The following VWA8 variants were observed in gnomAD, a reference collection of about 807,000 sequenced individuals.
VWA8 encodes von Willebrand factor A domain-containing protein 8.
In VWA8, 221 loss-of-function variants were observed where a neutral mutation model predicts 241.5. The ratio of observed to expected loss-of-function variants is 0.91; its 90% CI spans 0.82 to 1.02. The LOEUF is 1.02. Among genes scored for constraint, VWA8 ranks in the 50% least tolerant of loss-of-function variants. The pLI, the probability that VWA8 is intolerant of heterozygous loss-of-function variation, is 0.00. For missense variants in VWA8, 2,322 were observed against 2,328.7 expected (o/e 1.00, Z 0.06); for synonymous variants, 852 against 827.1 (o/e 1.03, Z -0.52).
chr13:41,842,220 T>A (rs1872089505), intron 12 of VWA8, among the ~76,000 whole-genome samples: 1 of 152,198 alleles, frequency 6.6e-6, no homozygotes, highest in East Asian at 1.9e-4. Context: ...ATTTCTGGAA[T>A]CTAAGCATGC....
intron 43 of VWA8, among the ~76,000 whole-genome samples, chr13:41,571,816 G>A (rs979342087): frequency 2.0e-5 from 3 of 151,978 alleles, no homozygotes; most frequent in Non-Finnish European, 2.9e-5. Flanking sequence ...CCCATCGTCT[G>A]GGATGTGAGG....
intron 17 of VWA8, among the ~76,000 whole-genome samples, chr13:41,804,797 T>A (rs1870112879): frequency 6.6e-6 from 1 of 152,166 alleles, no homozygotes; most frequent in African/African-American, 2.4e-5. Flanking sequence ...TGTAGAGTTT[T>A]TATTAGTTTT....
intron 19 of VWA8, among the ~76,000 whole-genome samples, chr13:41,781,906 C>T (rs1164535859): frequency 1.3e-5 from 2 of 152,118 alleles, no homozygotes; most frequent in African/African-American, 2.4e-5. Context: ...AAGTCCATTT[C>T]AACACAATGT....
At chr13:41,579,163 T>C (rs989562849) in intron 42 of VWA8, among the ~76,000 whole-genome samples, 7 of 152,232 alleles carry the variant, frequency 4.6e-5, no homozygotes, top group Non-Finnish European at 7.3e-5. Flanking sequence ...TGCGGCCACA[T>C]TGTAAGTAGG....
chr13:41,656,391 C>A (rs2044905630), intron 37 of VWA8, among the ~76,000 whole-genome samples: 1 of 152,122 alleles, frequency 6.6e-6, no homozygotes, highest in Admixed American at 6.5e-5. Flanking sequence ...AAACAAACAT[C>A]CCGAAGAAAA....
intron 21 of VWA8, among the ~76,000 whole-genome samples, chr13:41,750,304 G>A (rs941176378): frequency 5.3e-5 from 8 of 151,962 alleles, no homozygotes; most frequent in South Asian, 2.1e-4. Context: ...ACAGTGGTGC[G>A]TGCCTGTAGT....
At chr13:41,577,010 G>A (rs1593626552) in intron 42 of VWA8, among the ~76,000 whole-genome samples, 1 of 152,240 alleles carries the variant, frequency 6.6e-6, no homozygotes, top group East Asian at 1.9e-4. Context: ...TGAGCACCTT[G>A]GGGTGCTCAC....
chr13:41,692,352 G>C (rs2045183994), intron 30 of VWA8, among the ~76,000 whole-genome samples: 1 of 151,830 alleles, frequency 6.6e-6, no homozygotes, highest in Non-Finnish European at 1.5e-5. Flanking sequence ...CAGGGCAGAG[G>C]GTAAACCTTA....
chr13:41,614,863 G>C (rs1008701437), intron 38 of VWA8, 113 bp downstream of exon 38: 8 of 1,012,730 alleles, frequency 7.9e-6, no homozygotes, highest in Non-Finnish European at 1.2e-5. Context: ...TGAGTAATGA[G>C]GGAGGCTGAG....
chr13:41,883,345 A>G (rs746753907), intron 9 of VWA8, 42 bp downstream of exon 9: 7 of 1,518,534 alleles, frequency 4.6e-6, no homozygotes, highest in Non-Finnish European at 6.4e-6. Context: ...AAGGGAAGGG[A>G]AAATGGGAAA....
In VWA8 at chr13:41,677,524, T is replaced by C. The variant is rs538842331; in HGVS notation, c.4328-2228A>G. ...TATTTGGGGTGATACAGCTGGAGAG[T>C]GATGGAGATGGCTTCAAACCCAGGC... On this transcript the variant is annotated intron_variant, in intron 35 of 44. Coordinates refer to ENST00000379310, the MANE Select transcript of VWA8 (RefSeq NM_015058.2). 3.9e-5 allele frequency among the ~76,000 whole-genome samples: 6 copies of C among 152,088 alleles called. No individual in the cohort carries two copies. In the South Asian group the frequency reaches 1.2e-3, roughly 32 times the overall value.
At chr13:41,677,837 A>C (rs1390092304) in intron 35 of VWA8, among the ~76,000 whole-genome samples, 3 of 152,160 alleles carry the variant, frequency 2.0e-5, no homozygotes, top group Non-Finnish European at 4.4e-5. Flanking sequence ...GGTTGGAATG[A>C]AGTATCCAGG....
At chr13:41,893,462 TA>T (rs36122223) in intron 4 of VWA8, among the ~76,000 whole-genome samples, 3,938 of 131,752 alleles carry the variant, frequency 0.03, 72 homozygotes, top group African/African-American at 0.063. Context: ...AAGCTTTATT[TA>T]AAAAAAAAAA....
chr13:41,600,975 G>A (rs2044517567), intron 40 of VWA8, among the ~76,000 whole-genome samples: 1 of 152,056 alleles, frequency 6.6e-6, no homozygotes. Flanking sequence ...TCTTGTCTCT[G>A]AAACTTTCTC....
intron 4 of VWA8, among the ~76,000 whole-genome samples, chr13:41,894,667 C>T (rs1306166257): frequency 6.6e-6 from 1 of 152,128 alleles, no homozygotes; most frequent in Non-Finnish European, 1.5e-5. Flanking sequence ...TATCTCCTCA[C>T]AAAATATTTT....
chr13:41,892,965 T>C (rs1249184914), intron 4 of VWA8, among the ~76,000 whole-genome samples: 1 of 152,190 alleles, frequency 6.6e-6, no homozygotes, highest in East Asian at 1.9e-4. Context: ...GCCTCACATG[T>C]GGTATTTCTG....
At chr13:41,956,763 A>G (rs1385266396) in intron 1 of VWA8, among the ~76,000 whole-genome samples, 1 of 152,242 alleles carries the variant, frequency 6.6e-6, no homozygotes, top group Admixed American at 6.5e-5. Flanking sequence ...TATATTTTAG[A>G]CAACATGAAT....
At chr13:41,647,810 T>C (rs984774047) in intron 37 of VWA8, among the ~76,000 whole-genome samples, 8 of 152,062 alleles carry the variant, frequency 5.3e-5, no homozygotes, top group Admixed American at 3.3e-4. Context: ...GCCAATATGG[T>C]GAAACCCTTT....
At chr13:41,914,830 A>G (rs1051352477) in intron 2 of VWA8, among the ~76,000 whole-genome samples, 22 of 152,340 alleles carry the variant, frequency 1.4e-4, no homozygotes, top group South Asian at 1.0e-3. Context: ...GTAAAGTTCT[A>G]GAAGTTCAAG....
Sources: gnomAD v4.1 joint callset for allele counts (sites outside exome capture counted in the v4.1 genomes callset) on GRCh38, gnomAD v4.1.1 for gene constraint, MANE v1.5 for transcripts, NCBI Gene and HGNC (gene_info 2026-07-23, HGNC 2026-07-21) for gene names.